MAP3K11: variants seen among roughly 807,000 people sequenced by gnomAD.
The protein encoded by MAP3K11 is mitogen-activated protein kinase kinase kinase 11.
A neutral mutation model predicts 84.9 loss-of-function variants in MAP3K11; 46 were observed. That is an observed-to-expected ratio of 0.54 (90% CI 0.43 to 0.69). The LOEUF (loss-of-function observed/expected upper bound fraction) is 0.69. Among genes scored for constraint, MAP3K11 ranks in the 30% least tolerant of loss-of-function variants. MAP3K11 has a pLI of 0.00. For synonymous variants in MAP3K11, 527 were observed against 514.7 expected, an observed-to-expected ratio of 1.02 and a Z score of -0.32; for missense variants, 1,053 against 1,198.3, an observed-to-expected ratio of 0.88 and a Z score of 1.79.
chr11:65,607,242 G>C, intron 5 of MAP3K11, 28 bp downstream of exon 5: 1 of 1,463,042 alleles, frequency 6.8e-7, no homozygotes, highest in Non-Finnish European at 8.9e-7. Context: ...AGCCAATGGC[G>C]GGGGACGCCC....
In MAP3K11 at chr11:65,607,335, C is replaced by G; in HGVS notation, c.1424G>C (p.Arg475Pro). 1.3e-6 allele frequency: 2 copies of G among 1,507,930 alleles called. No homozygotes were observed. Among genetic ancestry groups the G allele is most frequent in the South Asian group, 1.2e-5 (1 of 81,552 alleles). 93.4% of individuals were successfully genotyped at this position (1,507,930 alleles called of 1,614,324 possible). The stretch of plus-strand genomic sequence containing the variant: ...GAGCTTGCTGCGCTTGAATGTCCCG[C>G]GGCGGCGGCGCACGTGCGGTCGCTC... ...DRERPHVRRR[R>P]GTFKRSKLRA... is the part of the protein sequence containing the mutation. The change falls in exon 5 of 10, where the codon CGC (arginine) becomes CCC (proline). Residue 475 changes from arginine to proline, a missense_variant. Arg to Pro is a moderately radical substitution (Grantham distance 103). This residue lies in a region of MAP3K11 where 583 missense variants were observed against 566.6 expected (regional missense o/e 1.03). Transcript: ENST00000309100.
At chr11:65,607,139 C>T in intron 5 of MAP3K11, 131 bp downstream of exon 5, 1 of 1,238,638 alleles carries the variant, frequency 8.1e-7, no homozygotes, top group East Asian at 3.1e-5. Context: ...TGGCTCCACC[C>T]CTCCCAGCCT....
intron 8 of MAP3K11, 148 bp downstream of exon 8, chr11:65,605,613 T>C: frequency 1.7e-6 from 1 of 594,996 alleles, no homozygotes; most frequent in East Asian, 3.2e-5. Context: ...GGATCGGCTC[T>C]GTCTTGTCTC....
intron 8 of MAP3K11, among the ~76,000 whole-genome samples, chr11:65,600,774 T>C (rs1325287466): frequency 6.6e-6 from 1 of 152,214 alleles, no homozygotes; most frequent in Non-Finnish European, 1.5e-5. Flanking sequence ...TGGCTGGTCC[T>C]CTGAAGCCCT....
rs753834812 is a variant in MAP3K11 at position 65,599,715 on chromosome 11, C to T, written c.1885G>A (p.Ala629Thr). Residue 629 changes from alanine (A) to threonine (T), a missense_variant, in exon 9 of 10, where the codon GCA becomes ACA. Transcript: ENST00000309100. ...EPEEPKRPVP[A>T]ERGSSSGTPK... ...GTCCCAGAGCTGCTACCGCGCTCTGCGGGGACAGGCCTCTTGGGCTCCTCG... is the reference window on the plus strand; with the variant it reads ...GTCCCAGAGCTGCTACCGCGCTCTGTGGGGACAGGCCTCTTGGGCTCCTCG... 1.1e-4 allele frequency: 169 copies of T among 1,584,688 alleles called. No homozygotes were observed. The highest frequency in any genetic ancestry group is 1.3e-4 in the African/African-American group (10 of 74,660).
At chr11:65,606,245 A>G in intron 6 of MAP3K11, 164 bp from the exon 7 acceptor site, 1 of 709,786 alleles carries the variant, frequency 1.4e-6, no homozygotes, top group Non-Finnish European at 2.1e-6. Flanking sequence ...TGGGGCCAAC[A>G]GTGGGGTGGG....
In MAP3K11 at chr11:65,613,836, C is replaced by G; in HGVS notation, c.-80G>C. 7.0e-7 allele frequency: 1 copy of G among 1,427,314 alleles called. No homozygotes were observed. Among genetic ancestry groups the G allele is most frequent in the Non-Finnish European group, 9.2e-7 (1 of 1,087,668 alleles). The allele number at this position is 1,427,314 out of a possible 1,614,324, so 88.4% of individuals were successfully genotyped here. On this transcript the variant is annotated 5_prime_UTR_variant, in exon 1 of 10. The change abolishes the stop of an existing upstream ORF in the 5' untranslated region. Transcript: ENST00000309100. ...CCCACCCCCGCTGGCTGCCAAGGCC[C>G]TAGTCCCGGAACCTGGGCATCCGGG...
At chr11:65,601,327 A>G (rs1250367225) in intron 8 of MAP3K11, among the ~76,000 whole-genome samples, 1 of 152,190 alleles carries the variant, frequency 6.6e-6, no homozygotes, top group Non-Finnish European at 1.5e-5. Flanking sequence ...AAGCCCTCCC[A>G]GAATCTCCCT....
At chr11:65,606,868 C>G in intron 5 of MAP3K11, 64 bp from the exon 6 acceptor site, 1 of 1,072,286 alleles carries the variant, frequency 9.3e-7, no homozygotes, top group Non-Finnish European at 1.4e-6. Flanking sequence ...GGACCCCAAC[C>G]TGCAGGGGCC....
chr11:65,606,800 G>A lies in MAP3K11; in HGVS notation c.1494C>T (p.Phe498=). The stretch of plus-strand genomic sequence containing the variant: ...AGGCCTGCACGGTGATGCGGTGCTT[G>A]AAGTCTGGGATTTGGGTTGGGGGGA... ...GGERISMPLD[F]KHRITVQASP... The change falls in exon 6 of 10, where the codon TTC becomes TTT. Residue 498 remains phenylalanine (F), a synonymous_variant. Coordinates refer to ENST00000309100, the MANE Select transcript of MAP3K11 (RefSeq NM_002419.4). 1.2e-6 allele frequency: 2 copies of A among 1,601,030 alleles called. No individual in the cohort carries two copies. Among genetic ancestry groups the A allele is most frequent in the Non-Finnish European group, 1.7e-6 (2 of 1,172,434 alleles).
At position 65,607,314 on chromosome 11, in the gene MAP3K11, T is replaced by G; in HGVS notation, c.1445A>C (p.Lys482Thr). Reference sequence around the variant, plus strand: ...CTCGCCGCCGTCGCGCGCCCGGAGCTTGCTGCGCTTGAATGTCCCGCGGCG... The same window carrying G: ...CTCGCCGCCGTCGCGCGCCCGGAGCGTGCTGCGCTTGAATGTCCCGCGGCG... ...RRRRGTFKRS[K>T]LRARDGGERI... is the part of the protein sequence containing the mutation. Residue 482 changes from lysine (K) to threonine (T), a missense_variant, in exon 5 of 10, where the codon AAG (lysine) becomes ACG (threonine). Physicochemically the swap from Lys to Thr is moderately conservative, Grantham distance 78. Around this residue, in one of 3 missense-constraint regions of MAP3K11, gnomAD observed 583 missense variants for 566.6 expected, o/e 1.03. Transcript: ENST00000309100. The G allele has an allele frequency of 6.6e-7, 1 of 1,522,808 alleles. No homozygotes were observed. The highest frequency in any genetic ancestry group is 8.7e-7 in the Non-Finnish European group (1 of 1,144,338). The allele number at this position is 1,522,808 out of a possible 1,614,324, so 94.3% of individuals were successfully genotyped here.
rs898048249 is a variant in MAP3K11, at chr11:65,606,056, T to C, written c.1629A>G (p.Ala543=). The part of the protein sequence containing the change: ...IQLEPAEPGQ[A]WGRQSPRRLE... ...GACGTCGGGGGGACTGGCGGCCCCATGCCTGGCCTGGCTCTGCAGGCTCCA... is the reference window on the plus strand; with the variant it reads ...GACGTCGGGGGGACTGGCGGCCCCACGCCTGGCCTGGCTCTGCAGGCTCCA... Residue 543 remains alanine, a synonymous_variant, in exon 7 of 10, where the codon GCA becomes GCG. Transcript: ENST00000309100. 1.5e-5 allele frequency: 24 copies of C among 1,585,206 alleles called. No individual in the cohort carries two copies. Among genetic ancestry groups the C allele is most frequent in the Non-Finnish European group, 2.0e-5 (23 of 1,168,176 alleles).
At position 65,598,284 on chromosome 11, in the gene MAP3K11, G is replaced by A. The variant is rs1186358074; in HGVS notation, c.*7C>T. Reference sequence around the variant, plus strand: ...CAGCTGGAGCTCGGGGGAGTGGCCTGGCCCACTCAAGGCCCCGCTTCCGGC... The same window carrying A: ...CAGCTGGAGCTCGGGGGAGTGGCCTAGCCCACTCAAGGCCCCGCTTCCGGC... On this transcript the variant is annotated 3_prime_UTR_variant, in exon 10 of 10. Coordinates refer to ENST00000309100, the MANE Select transcript of MAP3K11 (RefSeq NM_002419.4). 2 of 1,464,770 alleles carry A rather than the reference G, an allele frequency of 1.4e-6. No homozygotes were observed. The highest frequency in any genetic ancestry group is 4.9e-5 in the East Asian group (2 of 40,494). 90.7% of individuals were successfully genotyped at this position (1,464,770 alleles called of 1,614,324 possible). A position where few individuals can be genotyped will look rare whatever the true frequency, so the allele number is the denominator to read the frequency against.
In MAP3K11 at chr11:65,605,930, G is replaced by A. The variant is rs766033369; in HGVS notation, c.1739+16C>T. ...AAGCAAATGATGCTGGGTCTGGGGG[G>A]CACTCAGGTACTCACCTCCCATTCT... is the stretch of plus-strand genomic sequence containing the variant. On this transcript the variant is annotated intron_variant, in intron 7 of 9. Transcript: ENST00000309100. 6.2e-7 allele frequency: 1 copy of A among 1,605,930 alleles called. No homozygotes were observed. Among genetic ancestry groups the A allele is most frequent in the Admixed American group, 1.7e-5 (1 of 58,550 alleles).
intron 6 of MAP3K11, 152 bp from the exon 7 acceptor site, chr11:65,606,233 C>A: frequency 1.2e-6 from 1 of 843,338 alleles, no homozygotes; most frequent in Non-Finnish European, 1.7e-6. Flanking sequence ...GGGTTTGGGT[C>A]TTGGGGCCAA....
intron 8 of MAP3K11, among the ~76,000 whole-genome samples, chr11:65,603,467 A>G (rs560461435): frequency 6.6e-6 from 1 of 152,372 alleles, no homozygotes; most frequent in East Asian, 1.9e-4. Flanking sequence ...GCACCCTGCC[A>G]ATGTGCCACT....
chr11:65,598,503 G>T lies in MAP3K11; in HGVS notation c.2332C>A (p.Pro778Thr). 1 of 1,613,754 alleles carries T rather than the reference G, an allele frequency of 6.2e-7. No homozygotes were observed. The highest frequency in any genetic ancestry group is 8.5e-7 in the Non-Finnish European group (1 of 1,179,828). Residue 778 changes from proline (P) to threonine (T), a missense_variant, in exon 10 of 10, where the codon CCC becomes ACC. Pro to Thr is a conservative substitution (Grantham distance 38). Transcript: ENST00000309100. ...RPSPLRSRIDPWSFVSAGPRP... is the reference protein window; with the variant it reads ...RPSPLRSRIDTWSFVSAGPRP... ...GGCCCAGCTGACACAAAGCTCCAGGGATCAATGCGGCTGCGAAGGGGCGAG... is the reference window on the plus strand; with the variant it reads ...GGCCCAGCTGACACAAAGCTCCAGGTATCAATGCGGCTGCGAAGGGGCGAG...
intron 8 of MAP3K11, among the ~76,000 whole-genome samples, chr11:65,604,792 C>G (rs542501945): frequency 4.6e-5 from 7 of 152,130 alleles, no homozygotes; most frequent in African/African-American, 1.7e-4. Flanking sequence ...AGCAGCTAAG[C>G]GGGTCCTACA....
In MAP3K11 at chr11:65,598,718, C is replaced by T. The variant is rs968685815; in HGVS notation, c.2207-90G>A. ...GTCCTGCTCTGGGCCTCAGTTTCCC[C>T]ATGTGCACAGTGACCTACTTGACTC... is the stretch of plus-strand genomic sequence containing the variant. On this transcript the variant is annotated intron_variant, in intron 9 of 9. Coordinates refer to ENST00000309100, the MANE Select transcript of MAP3K11 (RefSeq NM_002419.4). 7.2e-5 allele frequency: 71 copies of T among 990,280 alleles called. No homozygotes were observed. The African/African-American group carries it at 1.1e-3, about 15-fold the overall frequency. The allele number at this position is 990,280 out of a possible 1,614,324, so 61.3% of individuals were successfully genotyped here. A position where few individuals can be genotyped will look rare whatever the true frequency, so the allele number is the denominator to read the frequency against.
Sources: gnomAD v4.1 joint callset for allele counts (sites outside exome capture counted in the v4.1 genomes callset) on GRCh38, gnomAD v4.1.1 for gene constraint, gnomAD v4.1.1 regional missense constraint, MANE v1.5 for transcripts, NCBI Gene and HGNC (gene_info 2026-07-23, HGNC 2026-07-21) for gene names.